PRKN: variants seen among roughly 807,000 people sequenced by gnomAD.
PRKN encodes the protein E3 ubiquitin-protein ligase parkin.
PRKN carries 56 observed loss-of-function variants against 59.5 expected under a neutral mutation model. The ratio of observed to expected loss-of-function variants is 0.94; its 90% confidence interval spans 0.76 to 1.18. The LOEUF is 1.18. Ranked by LOEUF, PRKN falls within the 50% of genes most tolerant of loss-of-function variation. The pLI is 0.00. For synonymous variants in PRKN, 250 were observed against 222.1 expected (o/e 1.13, Z -1.12); for missense variants, 657 against 596.4 (o/e 1.10, Z -1.06).
At position 161,526,803 on chromosome 6, in the gene PRKN, T is replaced by C. The variant is rs1779033005; in HGVS notation, c.1083+22051A>G. On this transcript the variant is annotated intron_variant, in intron 9 of 11. Coordinates refer to ENST00000366898, the MANE Select transcript of PRKN (RefSeq NM_004562.3). This position sits in a 1 kb window ranked among gnomAD's most constrained non-coding sequence, Gnocchi z 4.1. ...AGACAGATCAACACGATAAAATACA[T>C]ACAAATTTATTACATACATATGCAT... Among the ~76,000 whole-genome samples, 1 of 152,132 alleles carries C rather than the reference T, an allele frequency of 6.6e-6. No individual in the cohort carries two copies. The highest frequency in any genetic ancestry group is 2.4e-5 in the African/African-American group (1 of 41,422).
rs575839615 is a variant in PRKN, at chr6:162,556,515, G to A, written c.8-113042C>T. ...TGTAATCCCAGCACTTTGGGAGGCC[G>A]AGGCGGGGGGATCACGAAATCAGGA... On this transcript the variant is annotated intron_variant, in intron 1 of 11. Coordinates refer to ENST00000366898, the MANE Select transcript of PRKN (RefSeq NM_004562.3). Among the ~76,000 whole-genome samples the A allele has an allele frequency of 3.3e-5, 5 of 151,750 alleles. No individual in the cohort carries two copies. In the South Asian group the frequency reaches 6.3e-4, roughly 19 times the overall value.
chr6:162,020,024 GA>G (rs71751881), intron 5 of PRKN, among the ~76,000 whole-genome samples: 39,011 of 146,336 alleles, frequency 0.27, 5,810 homozygotes, highest in East Asian at 0.54. Flanking sequence ...CGTCTCAAAG[GA>G]AAAAAAAAAA....
intron 2 of PRKN, among the ~76,000 whole-genome samples, chr6:162,300,275 A>AC (rs940227604): frequency 2.7e-5 from 4 of 150,414 alleles, no homozygotes; most frequent in Admixed American, 2.0e-4. Flanking sequence ...TAAAAAAAAA[A>AC]ACACATTCTA....
At chr6:162,462,082 G>A (rs911373023) in intron 1 of PRKN, among the ~76,000 whole-genome samples, 3 of 152,094 alleles carry the variant, frequency 2.0e-5, no homozygotes, top group African/African-American at 7.2e-5. Flanking sequence ...CAGAGAGCAG[G>A]CAGAGTCTTA....
At chr6:162,686,461 G>C in intron 1 of PRKN, among the ~76,000 whole-genome samples, 1 of 152,008 alleles carries the variant, frequency 6.6e-6, no homozygotes, top group East Asian at 1.9e-4. Context: ...GGTTTGTTTT[G>C]CTTTGGCTTG....
At chr6:162,388,771 C>A (rs1334258260) in intron 2 of PRKN, among the ~76,000 whole-genome samples, 2 of 152,132 alleles carry the variant, frequency 1.3e-5, no homozygotes, top group African/African-American at 2.4e-5. Context: ...CCAGGGGGCC[C>A]TTCTCTACTC....
At chr6:162,453,289 G>C (rs181551213) in intron 1 of PRKN, among the ~76,000 whole-genome samples, 63 of 152,294 alleles carry the variant, frequency 4.1e-4, no homozygotes, top group African/African-American at 1.4e-3. Flanking sequence ...TCTTTGACGA[G>C]GGTGTATCTC....
At position 161,461,736 on chromosome 6, in the gene PRKN, T is replaced by C. The variant is rs1790234527; in HGVS notation, c.1084-74859A>G. 1.3e-5 allele frequency among the ~76,000 whole-genome samples: 2 copies of C among 152,106 alleles called. No homozygotes were observed. Among genetic ancestry groups the C allele is most frequent in the South Asian group, 4.1e-4 (2 of 4,830 alleles). Reference sequence around the variant, plus strand: ...GAAGAGGTGGAAAAATGAGCTCAAATATTGACATTTTACATTTGAAATGCT... The same window carrying C: ...GAAGAGGTGGAAAAATGAGCTCAAACATTGACATTTTACATTTGAAATGCT... On this transcript the variant is annotated intron_variant, in intron 9 of 11. Transcript: ENST00000366898. This position sits in a 1 kb window ranked among gnomAD's most constrained non-coding sequence, Gnocchi z 5.1.
At chr6:161,374,564 G>GT (rs202038575) in intron 10 of PRKN, among the ~76,000 whole-genome samples, 2 of 134,870 alleles carry the variant, frequency 1.5e-5, no homozygotes, top group African/African-American at 5.9e-5. Flanking sequence ...ATGTGTGTGT[G>GT]GTGTGTGTAA....
intron 7 of PRKN, among the ~76,000 whole-genome samples, chr6:161,640,665 T>C (rs1474908301): frequency 1.3e-5 from 2 of 152,048 alleles, no homozygotes; most frequent in African/African-American, 4.8e-5. Context: ...CCACGGCCTT[T>C]ACCACCGAGG....
chr6:161,605,950 C>T (rs1230881754), intron 7 of PRKN, among the ~76,000 whole-genome samples: 1 of 152,102 alleles, frequency 6.6e-6, no homozygotes, highest in African/African-American at 2.4e-5. Flanking sequence ...GTGCAAACAC[C>T]CTGAGCCAAG....
intron 1 of PRKN, among the ~76,000 whole-genome samples, chr6:162,513,686 C>T (rs1036339713): frequency 6.6e-6 from 1 of 152,046 alleles, no homozygotes; most frequent in African/African-American, 2.4e-5. Flanking sequence ...GATGGAATAG[C>T]AATTATGAAT....
intron 2 of PRKN, among the ~76,000 whole-genome samples, chr6:162,441,359 C>T (rs191201296): frequency 1.3e-5 from 2 of 152,240 alleles, no homozygotes; most frequent in East Asian, 3.9e-4. Context: ...TCTAGAAGAA[C>T]AAGAACCCAT....
chr6:162,463,377 T>C (rs1197560162), intron 1 of PRKN, among the ~76,000 whole-genome samples: 1 of 152,172 alleles, frequency 6.6e-6, no homozygotes, highest in Non-Finnish European at 1.5e-5. Context: ...TTATTCTCCA[T>C]GGGTCTCCGG....
At position 161,517,671 on chromosome 6, in the gene PRKN, C is replaced by T. The variant is rs151336091; in HGVS notation, c.1083+31183G>A. Among the ~76,000 whole-genome samples, 434 of 132,756 alleles carry T rather than the reference C, an allele frequency of 3.3e-3. 9 individuals carry two copies. The highest frequency in any genetic ancestry group is 0.031 in the East Asian group (129 of 4,166). 87.1% of individuals were successfully genotyped at this position (132,756 alleles called of 152,430 possible). On this transcript the variant is annotated intron_variant, in intron 9 of 11. Coordinates refer to ENST00000366898, the MANE Select transcript of PRKN (RefSeq NM_004562.3). ...AGGAGAATGGTGTGAACCTGGAAGG[C>T]GGAGCTTGCAGTGAGCCGAGATCGC...
Position 161,879,120 on chromosome 6 carries a change from G to A in PRKN, c.735-93212C>T, listed in dbSNP as rs1183527141. 3.3e-5 allele frequency among the ~76,000 whole-genome samples: 5 copies of A among 152,012 alleles called. 1 individual carries two copies. The highest frequency in any genetic ancestry group is 3.3e-4 in the Admixed American group (5 of 15,254). On this transcript the variant is annotated intron_variant, in intron 6 of 11. Transcript: ENST00000366898. ...TCTATATTTTCACAGCTCCCCAAGC[G>A]ATTCTCCGTTAAGTTAGGAAGCACT...
chr6:162,322,286 G>C (rs1055278524), intron 2 of PRKN, among the ~76,000 whole-genome samples: 5 of 152,004 alleles, frequency 3.3e-5, no homozygotes, highest in African/African-American at 9.7e-5. Flanking sequence ...ACATTGCTGA[G>C]TGATATTAAA....
At chr6:161,630,427 A>C (rs1222638314) in intron 7 of PRKN, among the ~76,000 whole-genome samples, 2 of 152,208 alleles carry the variant, frequency 1.3e-5, no homozygotes, top group African/African-American at 4.8e-5. Flanking sequence ...CCATTGACAT[A>C]GTTTATACTG....
At chr6:161,960,605 G>A (rs1217031935) in intron 6 of PRKN, among the ~76,000 whole-genome samples, 2 of 152,154 alleles carry the variant, frequency 1.3e-5, no homozygotes, top group Non-Finnish European at 2.9e-5. Context: ...ACCAGACGAG[G>A]CCATTTGAAA....
Sources: gnomAD v4.1 joint callset for allele counts (sites outside exome capture counted in the v4.1 genomes callset) on GRCh38, gnomAD v4.1.1 for gene constraint, Gnocchi (gnomAD v3.1) non-coding constraint, MANE v1.5 for transcripts, NCBI Gene and HGNC (gene_info 2026-07-23, HGNC 2026-07-21) for gene names.